BICD1: variants seen among roughly 807,000 people sequenced by gnomAD.
The protein encoded by BICD1 is protein bicaudal D homolog 1.
In BICD1, 35 loss-of-function variants were observed where a neutral mutation model predicts 92.5. The observed-to-expected ratio is 0.38, with a 90% CI of 0.29 to 0.50. The LOEUF is 0.50. BICD1 is among the 20% of genes least tolerant of loss of function. The pLI is 0.93. For synonymous variants in BICD1, 429 were observed against 465.1 expected (o/e 0.92, Z 1.00); for missense variants, 950 against 1,189.8 (o/e 0.80, Z 2.97).
At position 32,107,190 on chromosome 12, in the gene BICD1, G is replaced by T; in HGVS notation, c.-142G>T. On this transcript the variant is annotated 5_prime_UTR_variant, in exon 1 of 10. Coordinates refer to ENST00000652176, the MANE Select transcript of BICD1 (RefSeq NM_001714.4). The stretch of plus-strand genomic sequence containing the variant: ...CTGCCGCTGCCACCAGAGCCGGCGG[G>T]GCATCGCGCTGCTCATTCATCCGGC... 1 of 776,748 alleles carries T rather than the reference G, an allele frequency of 1.3e-6. No homozygotes were observed. Among genetic ancestry groups the T allele is most frequent in the Non-Finnish European group, 2.0e-6 (1 of 488,854 alleles). 48.1% of individuals were successfully genotyped at this position (776,748 alleles called of 1,614,324 possible). A position where few individuals can be genotyped will look rare whatever the true frequency, so the allele number is the denominator to read the frequency against.
At chr12:32,246,025 G>C (rs1207772226) in intron 2 of BICD1, among the ~76,000 whole-genome samples, 2 of 40,940 alleles carry the variant, frequency 4.9e-5, no homozygotes, top group Admixed American at 4.9e-4. Flanking sequence ...ATGATACTCT[G>C]TCTCAAAAAA....
chr12:32,373,638 T>C (rs10771941), intron 9 of BICD1, among the ~76,000 whole-genome samples: 68,779 of 151,584 alleles, frequency 0.45, 15,838 homozygotes, highest in African/African-American at 0.52. Flanking sequence ...TTTGGGAGGC[T>C]GAGGCGGGTG....
chr12:32,120,713 G>T (rs1942109320), intron 1 of BICD1, among the ~76,000 whole-genome samples: 1 of 151,944 alleles, frequency 6.6e-6, no homozygotes, highest in Non-Finnish European at 1.5e-5. Context: ...TTGAGCTGGA[G>T]ATACTATTGT....
chr12:32,223,423 C>T (rs1401220430), intron 2 of BICD1, among the ~76,000 whole-genome samples: 2 of 150,104 alleles, frequency 1.3e-5, no homozygotes, highest in Admixed American at 6.7e-5. Context: ...GAGGCTGAGG[C>T]GGAGAATCGC....
chr12:32,149,394 A>C (rs1004298457), intron 1 of BICD1, among the ~76,000 whole-genome samples: 1 of 152,272 alleles, frequency 6.6e-6, no homozygotes, highest in Non-Finnish European at 1.5e-5. Flanking sequence ...ACAGAATTTA[A>C]TAATGTAACC....
intron 6 of BICD1, among the ~76,000 whole-genome samples, chr12:32,335,307 C>A (rs961006660): frequency 6.6e-6 from 1 of 152,034 alleles, no homozygotes; most frequent in African/African-American, 2.4e-5. Flanking sequence ...CCTGCCACCA[C>A]GCCCGGCTAA....
chr12:32,216,179 C>A, intron 1 of BICD1, 68 bp from the exon 2 acceptor site: 1 of 1,513,432 alleles, frequency 6.6e-7, no homozygotes. Flanking sequence ...AAAACATTTT[C>A]CCAAGTCTTA....
At chr12:32,273,771 G>A (rs1947203764) in intron 2 of BICD1, among the ~76,000 whole-genome samples, 1 of 152,178 alleles carries the variant, frequency 6.6e-6, no homozygotes, top group South Asian at 2.1e-4. Flanking sequence ...GAAAAGATTA[G>A]GCTCAGGGAC....
intron 9 of BICD1, among the ~76,000 whole-genome samples, chr12:32,375,031 A>G (rs778293080): frequency 7.5e-4 from 93 of 124,656 alleles, no homozygotes; most frequent in Non-Finnish European, 1.1e-3. Flanking sequence ...CCATTCTCCT[A>G]CCTCAGCCTC....
At chr12:32,287,784 G>A (rs191217626) in intron 2 of BICD1, among the ~76,000 whole-genome samples, 238 of 152,278 alleles carry the variant, frequency 1.6e-3, no homozygotes, top group African/African-American at 5.4e-3. Context: ...TGATCCGCCC[G>A]CCTCGGCCTC....
intron 1 of BICD1, among the ~76,000 whole-genome samples, chr12:32,168,234 AAT>A (rs1392903880): frequency 6.6e-6 from 1 of 152,198 alleles, no homozygotes; most frequent in Non-Finnish European, 1.5e-5. Context: ...TAAACTGGGA[AAT>A]ACCAGATTGC....
chr12:32,181,890 A>G (rs1282800404), intron 1 of BICD1, among the ~76,000 whole-genome samples: 1 of 152,032 alleles, frequency 6.6e-6, no homozygotes. Context: ...CCTGTGCAGC[A>G]GATTGCAGGG....
At chr12:32,366,342 G>A (rs1020590531) in intron 8 of BICD1, among the ~76,000 whole-genome samples, 4 of 152,194 alleles carry the variant, frequency 2.6e-5, no homozygotes, top group African/African-American at 4.8e-5. Context: ...TAAGGAGGCC[G>A]GGTGCAGTGG....
At chr12:32,345,266 C>T (rs1938523745) in intron 8 of BICD1, among the ~76,000 whole-genome samples, 1 of 147,934 alleles carries the variant, frequency 6.8e-6, no homozygotes, top group South Asian at 2.2e-4. Flanking sequence ...TGGAGTGAGA[C>T]CCTGTCTCAG....
chr12:32,215,977 G>GAAA (rs1945348357), intron 1 of BICD1, among the ~76,000 whole-genome samples: 2 of 122,712 alleles, frequency 1.6e-5, no homozygotes, highest in East Asian at 2.6e-4. Context: ...AAAAAAAAAG[G>GAAA]AGAACATAAA....
At chr12:32,373,202 A>T (rs778891975) in intron 9 of BICD1, among the ~76,000 whole-genome samples, 3 of 152,192 alleles carry the variant, frequency 2.0e-5, no homozygotes, top group Non-Finnish European at 2.9e-5. Flanking sequence ...GTAAATGTTG[A>T]ATAACAAGTG....
intron 1 of BICD1, among the ~76,000 whole-genome samples, chr12:32,185,778 A>G (rs1592438051): frequency 6.6e-6 from 1 of 152,332 alleles, no homozygotes; most frequent in Admixed American, 6.5e-5. Flanking sequence ...GAGACTTGCC[A>G]TAAACAAATT....
chr12:32,245,204 T>A (rs887924098), intron 2 of BICD1, among the ~76,000 whole-genome samples: 3 of 152,194 alleles, frequency 2.0e-5, no homozygotes, highest in African/African-American at 7.2e-5. Context: ...ATGTGCTTTA[T>A]TTTTTACTTG....
intron 1 of BICD1, among the ~76,000 whole-genome samples, chr12:32,177,320 A>G (rs1944122480): frequency 6.6e-6 from 1 of 152,048 alleles, no homozygotes; most frequent in African/African-American, 2.4e-5. Flanking sequence ...GTCTCAAAAA[A>G]AAAAAAGAAT....
Sources: allele counts gnomAD v4.1 joint callset (sites outside exome capture counted in the v4.1 genomes callset), GRCh38; gene constraint gnomAD v4.1.1; transcripts MANE v1.5; gene names NCBI Gene and HGNC (gene_info 2026-07-23, HGNC 2026-07-21).